FHIT: variants seen among roughly 807,000 people sequenced by gnomAD.
The protein encoded by FHIT is bis(5'-adenosyl)-triphosphatase.
Under a neutral mutation model 17.9 loss-of-function variants are expected in FHIT, and 19 were observed. That is an observed-to-expected ratio of 1.06 (90% CI 0.74 to 1.56). The LOEUF is 1.56. Among genes scored for constraint, FHIT ranks in the 40% most tolerant of loss-of-function variants. The pLI is 0.00. For missense variants in FHIT, 248 were observed against 189.2 expected (o/e 1.31, Z -1.82); for synonymous variants, 81 against 69.7 (o/e 1.16, Z -0.81).
rs541702668 is a variant in FHIT, at chr3:59,927,475, A to C, written c.280-5061T>G. 1.2e-3 allele frequency among the ~76,000 whole-genome samples: 154 copies of C among 127,336 alleles called. 2 individuals carry two copies. The South Asian group carries it at 0.015, about 12-fold the overall frequency. The allele number at this position is 127,336 out of a possible 152,430, so 83.5% of individuals were successfully genotyped here. Reference sequence around the variant, plus strand: ...TAAAGCTATTACTTAAAAAAAAAAAAAAAAACTGAAGGCCGGGTGCTGTGG... The same window carrying C: ...TAAAGCTATTACTTAAAAAAAAAAACAAAAACTGAAGGCCGGGTGCTGTGG... On this transcript the variant is annotated intron_variant, in intron 7 of 9. Coordinates refer to ENST00000492590, the MANE Select transcript of FHIT (RefSeq NM_002012.4).
At chr3:61,110,707 C>T (rs1424059840) in intron 2 of FHIT, among the ~76,000 whole-genome samples, 1 of 152,156 alleles carries the variant, frequency 6.6e-6, no homozygotes, top group African/African-American at 2.4e-5. Flanking sequence ...CACCACACCA[C>T]AGAAGGAAGA....
chr3:60,337,681 T>A (rs2106883115), intron 5 of FHIT, among the ~76,000 whole-genome samples: 1 of 152,280 alleles, frequency 6.6e-6, no homozygotes, highest in Non-Finnish European at 1.5e-5. Flanking sequence ...TGAGTTGCTT[T>A]GATAAACTGA....
At chr3:61,179,547 T>TA (rs895608001) in intron 2 of FHIT, among the ~76,000 whole-genome samples, 4 of 151,182 alleles carry the variant, frequency 2.6e-5, no homozygotes, top group African/African-American at 7.3e-5. Context: ...CTGTCTCTTA[T>TA]AAAAAACTAA....
intron 5 of FHIT, among the ~76,000 whole-genome samples, chr3:60,462,783 C>A (rs1170657960): frequency 6.6e-6 from 1 of 152,218 alleles, no homozygotes; most frequent in Non-Finnish European, 1.5e-5. Context: ...TGGGGAGCCA[C>A]TGAGGGCATG....
chr3:60,192,840 A>G (rs78884321), intron 5 of FHIT, among the ~76,000 whole-genome samples: 5,167 of 152,302 alleles, frequency 0.034, 115 homozygotes, highest in Middle Eastern at 0.11. Context: ...ACCACGATCC[A>G]CATTAAGAGC....
At chr3:60,087,325 T>C (rs911702080) in intron 5 of FHIT, among the ~76,000 whole-genome samples, 3 of 152,170 alleles carry the variant, frequency 2.0e-5, no homozygotes, top group Non-Finnish European at 4.4e-5. Flanking sequence ...CTTTTTCCCA[T>C]TGGCTTGACT....
At chr3:60,872,501 A>G (rs555205129) in intron 3 of FHIT, among the ~76,000 whole-genome samples, 2 of 152,244 alleles carry the variant, frequency 1.3e-5, no homozygotes, top group African/African-American at 4.8e-5. Context: ...TTCTACCCAG[A>G]AAAATTCTCA....
rs191705116 is a variant in FHIT, at chr3:61,124,659, G to A, written c.-164+75958C>T. Among the ~76,000 whole-genome samples, 9 of 152,180 alleles carry A rather than the reference G, an allele frequency of 5.9e-5. No individual in the cohort carries two copies. In the East Asian group the frequency reaches 1.2e-3, roughly 20 times the overall value. ...ACCTCATGGACAAATACTCTTTCGC[G>A]ATATATATGGTTGCTGTAAAGTAAT... is the stretch of plus-strand genomic sequence containing the variant. On this transcript the variant is annotated intron_variant, in intron 2 of 9. Transcript: ENST00000492590.
intron 7 of FHIT, among the ~76,000 whole-genome samples, chr3:59,925,917 C>T (rs148229017): frequency 7.2e-4 from 110 of 152,260 alleles, no homozygotes; most frequent in African/African-American, 2.3e-3. Context: ...CTGATAAAAA[C>T]GCTATGAATA....
intron 8 of FHIT, among the ~76,000 whole-genome samples, chr3:59,777,856 C>T (rs1395776655): frequency 1.3e-5 from 2 of 152,164 alleles, no homozygotes; most frequent in African/African-American, 4.8e-5. Context: ...CTTTTGCAAT[C>T]ACTATTCACT....
At chr3:60,909,066 C>A (rs1304376824) in intron 3 of FHIT, among the ~76,000 whole-genome samples, 1 of 151,898 alleles carries the variant, frequency 6.6e-6, no homozygotes, top group Non-Finnish European at 1.5e-5. Flanking sequence ...GCAACTATAC[C>A]ATCTATAAAA....
intron 5 of FHIT, among the ~76,000 whole-genome samples, chr3:60,441,314 T>A (rs1025774972): frequency 6.6e-5 from 10 of 152,086 alleles, no homozygotes; most frequent in Middle Eastern, 3.2e-3. Flanking sequence ...CTCACATAAC[T>A]GTACAAGTTT....
intron 4 of FHIT, among the ~76,000 whole-genome samples, chr3:60,727,505 A>G (rs987401777): frequency 1.3e-5 from 2 of 152,220 alleles, no homozygotes; most frequent in Admixed American, 1.3e-4. Flanking sequence ...TAGAGTTTGT[A>G]TGGTCAGAAA....
At chr3:60,491,648 A>G (rs2107501432) in intron 5 of FHIT, among the ~76,000 whole-genome samples, 1 of 152,342 alleles carries the variant, frequency 6.6e-6, no homozygotes, top group African/African-American at 2.4e-5. Context: ...CAATTTAATG[A>G]ACATCTACAG....
At chr3:60,884,748 T>G (rs1173884083) in intron 3 of FHIT, among the ~76,000 whole-genome samples, 1 of 151,514 alleles carries the variant, frequency 6.6e-6, no homozygotes, top group Non-Finnish European at 1.5e-5. Flanking sequence ...CTGGGTAATA[T>G]GGCAAGATTC....
rs869239307 is a variant in FHIT, at chr3:60,976,096, C to CTTTTTTTTTTTTTTTTTTTTT, written c.-111+65930_-111+65950dup. On this transcript the variant is annotated intron_variant, in intron 3 of 9. Coordinates refer to ENST00000492590, the MANE Select transcript of FHIT (RefSeq NM_002012.4). The stretch of plus-strand genomic sequence containing the variant: ...CTTTGTATCTTTCGTTTTTCTTTTT[C>CTTTTTTTTTTTTTTTTTTTTT]TTTTTTTTTTTTTTTTTTTTTTTTT... Among the ~76,000 whole-genome samples, 369 of 66,794 alleles carry CTTTTTTTTTTTTTTTTTTTTT rather than the reference C, an allele frequency of 5.5e-3. 65 individuals are homozygous for CTTTTTTTTTTTTTTTTTTTTT. The highest frequency in any genetic ancestry group is 5.9e-3 in the Non-Finnish European group (227 of 38,284). The allele number at this position is 66,794 out of a possible 152,430, so 43.8% of individuals were successfully genotyped here.
At chr3:60,185,546 G>A (rs1473693530) in intron 5 of FHIT, among the ~76,000 whole-genome samples, 2 of 152,254 alleles carry the variant, frequency 1.3e-5, no homozygotes, top group East Asian at 1.9e-4. Flanking sequence ...GTTGTTTCCA[G>A]TTTGGGGAAT....
At chr3:60,423,130 G>A (rs938948739) in intron 5 of FHIT, among the ~76,000 whole-genome samples, 5 of 152,054 alleles carry the variant, frequency 3.3e-5, no homozygotes, top group African/African-American at 7.2e-5. Context: ...ATGGCAAAGC[G>A]AGGGACCAGC....
At chr3:59,932,944 T>C (rs1314281829) in intron 7 of FHIT, among the ~76,000 whole-genome samples, 3 of 152,142 alleles carry the variant, frequency 2.0e-5, no homozygotes, top group Non-Finnish European at 4.4e-5. Context: ...AAGTCCCAAA[T>C]TACTGTAGAT....
Sources: allele counts gnomAD v4.1 joint callset (sites outside exome capture counted in the v4.1 genomes callset), GRCh38; gene constraint gnomAD v4.1.1; transcripts MANE v1.5; gene names NCBI Gene and HGNC (gene_info 2026-07-23, HGNC 2026-07-21).